Variants in PXDNL observed in about 807,000 individuals in gnomAD.
The protein encoded by PXDNL is peroxidasin like.
A neutral mutation model predicts 150.8 loss-of-function variants in PXDNL; 145 were observed. The observed-to-expected ratio is 0.96, with a 90% CI of 0.84 to 1.10. The LOEUF is 1.10. Ranked by LOEUF, PXDNL falls within the 50% of genes least tolerant of loss-of-function variation. PXDNL has a pLI of 0.00. For synonymous variants in PXDNL, 757 were observed against 725.7 expected (o/e 1.04, Z -0.69); for missense variants, 2,087 against 1,873.9 (o/e 1.11, Z -2.10).
rs75886281 is a variant in PXDNL, at chr8:51,351,390, G to A, written c.3902-5443C>T. On this transcript the variant is annotated intron_variant, in intron 19 of 22. Coordinates refer to ENST00000356297, the MANE Select transcript of PXDNL (RefSeq NM_144651.5). ...CACAGCCATGAACACAGAATACTGT[G>A]TGAACATGAAGGTAGAGGTCAGAGA... Among the ~76,000 whole-genome samples, 19 of 152,292 alleles carry A rather than the reference G, an allele frequency of 1.2e-4. No homozygotes were observed. In the East Asian group the frequency reaches 3.7e-3, roughly 29 times the overall value.
intron 6 of PXDNL, 42 bp downstream of exon 6, chr8:51,483,601 A>T (rs1810652827): frequency 8.1e-7 from 1 of 1,239,328 alleles, no homozygotes; most frequent in Non-Finnish European, 1.1e-6. Context: ...TTTGGAGGAA[A>T]TTATAAAAGG....
chr8:51,697,991 AC>A (rs1322996117), intron 1 of PXDNL, among the ~76,000 whole-genome samples: 3 of 152,244 alleles, frequency 2.0e-5, no homozygotes, highest in African/African-American at 7.2e-5. Flanking sequence ...TTTAAAAAGT[AC>A]TTAAGTAAAA....
At chr8:51,504,307 C>T (rs1811242891) in intron 4 of PXDNL, among the ~76,000 whole-genome samples, 2 of 152,120 alleles carry the variant, frequency 1.3e-5, no homozygotes, top group South Asian at 4.1e-4. Context: ...TTCAACAGAG[C>T]CCAAGTTCCA....
intron 19 of PXDNL, among the ~76,000 whole-genome samples, chr8:51,363,003 G>T (rs1806802692): frequency 6.6e-6 from 1 of 152,196 alleles, no homozygotes; most frequent in Non-Finnish European, 1.5e-5. Flanking sequence ...GATCTGGACA[G>T]ATGGCCATAG....
chr8:51,668,727 T>C, intron 1 of PXDNL, among the ~76,000 whole-genome samples: 1 of 152,220 alleles, frequency 6.6e-6, no homozygotes, highest in Non-Finnish European at 1.5e-5. Flanking sequence ...AAAATTCCAA[T>C]AGTATATTAA....
At chr8:51,369,895 T>C (rs1807044799) in intron 19 of PXDNL, among the ~76,000 whole-genome samples, 1 of 152,158 alleles carries the variant, frequency 6.6e-6, no homozygotes, top group African/African-American at 2.4e-5. Flanking sequence ...CATTACCATT[T>C]AAATAACCAG....
chr8:51,655,206 C>T (rs1340869257), intron 1 of PXDNL, among the ~76,000 whole-genome samples: 1 of 152,154 alleles, frequency 6.6e-6, no homozygotes, highest in Admixed American at 6.5e-5. Context: ...AATTTTTCTT[C>T]ACAGTACAGG....
At chr8:51,483,811 T>C (rs1810660659) in intron 5 of PXDNL, 97 bp from the exon 6 acceptor site, 2 of 710,780 alleles carry the variant, frequency 2.8e-6, no homozygotes, top group Admixed American at 2.9e-5. Context: ...AATACCTTTT[T>C]TGAAATATTT....
intron 2 of PXDNL, among the ~76,000 whole-genome samples, chr8:51,624,252 C>T (rs528024903): frequency 3.4e-4 from 51 of 152,230 alleles, no homozygotes; most frequent in Non-Finnish European, 4.6e-4. Context: ...GACCACAGAC[C>T]GGTGGTATTT....
intron 1 of PXDNL, among the ~76,000 whole-genome samples, chr8:51,760,852 T>TTTTTTTTTTG (rs2037155860): frequency 1.5e-5 from 1 of 67,026 alleles, no homozygotes; most frequent in Non-Finnish European, 3.6e-5. Context: ...AAACTTTTTT[T>TTTTTTTTTTG]TTTTTTTTTT....
rs543884689 is a variant in PXDNL, at chr8:51,790,504, A to T, written c.164+18677T>A. On this transcript the variant is annotated intron_variant, in intron 1 of 22. Transcript: ENST00000356297. ...TTCTGTTTTCTAAGACGAGGTCCTG[A>T]GTTGCAAACCTTTTCTTATTTTCTC... 5.3e-5 allele frequency among the ~76,000 whole-genome samples: 8 copies of T among 152,318 alleles called. 1 individual carries two copies. In the South Asian group the frequency reaches 1.7e-3, roughly 32 times the overall value.
chr8:51,404,460 T>C (rs1808376429), intron 17 of PXDNL, among the ~76,000 whole-genome samples: 1 of 150,048 alleles, frequency 6.7e-6, no homozygotes, highest in Admixed American at 6.6e-5. Context: ...CCCACCAGAT[T>C]AGCCACATAC....
chr8:51,442,907 T>C (rs1809584217), intron 12 of PXDNL, among the ~76,000 whole-genome samples: 1 of 152,164 alleles, frequency 6.6e-6, no homozygotes, highest in South Asian at 2.1e-4. Context: ...ATTTTCTAAT[T>C]CTCTAAGCAA....
chr8:51,585,483 T>C (rs1274826634), intron 3 of PXDNL, among the ~76,000 whole-genome samples: 1 of 151,942 alleles, frequency 6.6e-6, no homozygotes, highest in Non-Finnish European at 1.5e-5. Flanking sequence ...CCAAGGAGAT[T>C]AGAGGGTGAG....
intron 1 of PXDNL, among the ~76,000 whole-genome samples, chr8:51,790,035 TA>T (rs1465936061): frequency 6.6e-6 from 1 of 152,204 alleles, no homozygotes; most frequent in Non-Finnish European, 1.5e-5. Flanking sequence ...GCTTGTTTTT[TA>T]AAAATGTCTC....
chr8:51,619,601 G>C (rs1814196710), intron 2 of PXDNL, among the ~76,000 whole-genome samples: 3 of 152,118 alleles, frequency 2.0e-5, no homozygotes, highest in Non-Finnish European at 4.4e-5. Flanking sequence ...TTGTTTAAAA[G>C]TCTGTGGCAC....
chr8:51,428,955 G>C (rs918404249), intron 12 of PXDNL, among the ~76,000 whole-genome samples: 1 of 14,114 alleles, frequency 7.1e-5, no homozygotes, highest in African/African-American at 1.1e-4. Context: ...GAAAGGAATA[G>C]TGTCTAAAAT....
At chr8:51,672,456 G>T (rs574628029) in intron 1 of PXDNL, among the ~76,000 whole-genome samples, 1 of 152,036 alleles carries the variant, frequency 6.6e-6, no homozygotes, top group African/African-American at 2.4e-5. Context: ...CAAGACTGCT[G>T]GAATCCTATG....
intron 1 of PXDNL, among the ~76,000 whole-genome samples, chr8:51,695,929 C>T (rs1221832934): frequency 2.6e-5 from 4 of 152,068 alleles, no homozygotes; most frequent in African/African-American, 7.2e-5. Flanking sequence ...GCAGTTTCCT[C>T]GGGGAACAGA....
Sources: gnomAD v4.1 joint callset for allele counts (sites outside exome capture counted in the v4.1 genomes callset) on GRCh38, gnomAD v4.1.1 for gene constraint, MANE v1.5 for transcripts, NCBI Gene and HGNC (gene_info 2026-07-23, HGNC 2026-07-21) for gene names.